The following SEZ6 variants were observed in gnomAD, a reference collection of about 807,000 sequenced individuals.
SEZ6 encodes seizure related 6 homolog, also known as seizure protein 6 homolog.
In SEZ6, 53 loss-of-function variants were observed where a neutral mutation model predicts 101.0. The observed-to-expected ratio is 0.52, with a 90% confidence interval of 0.42 to 0.66. The LOEUF (loss-of-function observed/expected upper bound fraction) is 0.66. Among genes scored for constraint, SEZ6 ranks in the 30% least tolerant of loss-of-function variants. SEZ6 has a pLI of 0.00. For missense variants in SEZ6, 1,102 were observed against 1,289.4 expected, an observed-to-expected ratio of 0.85 and a Z score of 2.23; for synonymous variants, 488 against 512.2, an observed-to-expected ratio of 0.95 and a Z score of 0.64.
intron 5 of SEZ6, among the ~76,000 whole-genome samples, chr17:28,962,780 CAAA>C (rs141990354): frequency 1.1e-4 from 5 of 47,306 alleles, no homozygotes; most frequent in Admixed American, 2.3e-4. Context: ...GACTCCATCT[CAAA>C]AAAAAAAAAA....
chr17:28,981,479 T>C lies in SEZ6; in HGVS notation c.616A>G (p.Ile206Val), dbSNP rs1480760776. The C allele has an allele frequency of 6.3e-7, 1 of 1,588,250 alleles. No individual in the cohort carries two copies. The highest frequency in any genetic ancestry group is 2.3e-5 in the East Asian group (1 of 43,522). The change falls in exon 2 of 17, where the codon ATC becomes GTC. Residue 206 changes from isoleucine (I) to valine (V), a missense_variant. Around this residue, in one of 3 missense-constraint regions of SEZ6, gnomAD observed 406 missense variants for 418.6 expected, o/e 0.97. Coordinates refer to ENST00000317338, the MANE Select transcript of SEZ6 (RefSeq NM_178860.5). ...VAEVVSQGAG[I>V]GIQGTITSST... ...GAGGTGATGGTCCCCTGGATCCCGATCCCTGCGCCCTGGGACACAACCTCT... is the reference window on the plus strand; with the variant it reads ...GAGGTGATGGTCCCCTGGATCCCGACCCCTGCGCCCTGGGACACAACCTCT...
rs2041025847 is a variant in SEZ6, at chr17:28,964,057, T to A, written c.1145A>T (p.His382Leu). The A allele has an allele frequency of 6.2e-7, 1 of 1,610,340 alleles. No homozygotes were observed. The highest frequency in any genetic ancestry group is 8.5e-7 in the Non-Finnish European group (1 of 1,178,288). ...CTTCAGCTGGTAGCCAGTGGCACAA[T>A]GGAAGCGGGCACTACCCCCTGGGTG... ...SLHPGGSARF[H>L]CATGYQLKGA... is the part of the protein sequence containing the mutation. The change falls in exon 5 of 17, where the codon CAT (histidine) becomes CTT (leucine). Residue 382 changes from histidine (H) to leucine (L), a missense_variant. His to Leu is a moderately conservative substitution (Grantham distance 99). Around this residue, in one of 3 missense-constraint regions of SEZ6, gnomAD observed 556 missense variants for 735.1 expected, o/e 0.76. Transcript: ENST00000317338.
rs191540011 is a variant in SEZ6, at chr17:28,968,707, C to A, written c.1054+1050G>T. ...CTCCTTAGGTGGGGTTCCAAGCAGCCCCATCTCCAGAGTGCTGGCTCTTCT... is the reference window on the plus strand; with the variant it reads ...CTCCTTAGGTGGGGTTCCAAGCAGCACCATCTCCAGAGTGCTGGCTCTTCT... On this transcript the variant is annotated intron_variant, in intron 4 of 16. Coordinates refer to ENST00000317338, the MANE Select transcript of SEZ6 (RefSeq NM_178860.5). Among the ~76,000 whole-genome samples the A allele has an allele frequency of 2.1e-3, 325 of 152,276 alleles. 2 individuals carry two copies. Among genetic ancestry groups the A allele is most frequent in the Admixed American group, 0.019 (290 of 15,292 alleles).
chr17:29,003,127 T>G (rs2041637133), intron 1 of SEZ6, among the ~76,000 whole-genome samples: 1 of 152,218 alleles, frequency 6.6e-6, no homozygotes, highest in Non-Finnish European at 1.5e-5. Context: ...TTAATTAACT[T>G]TATTGATATT....
At position 28,957,548 on chromosome 17, in the gene SEZ6, AG is replaced by A. The variant is rs67322066; in HGVS notation, c.2303-10del. On this transcript the variant is annotated splice_polypyrimidine_tract_variant and intron_variant, in intron 11 of 16. Transcript: ENST00000317338. Reference sequence around the variant, plus strand: ...ATCGTGGCAGGAAGTCACTATGGGTAGGGGGTGATGGGGAGAAGTAGCCCAA... The same window carrying A: ...ATCGTGGCAGGAAGTCACTATGGGTAGGGGTGATGGGGAGAAGTAGCCCAA... 219,217 of 1,609,682 alleles carry A rather than the reference AG, an allele frequency of 0.14. 16,126 individuals carry two copies. Among genetic ancestry groups the A allele is most frequent in the South Asian group, 0.25 (23,071 of 90,746 alleles).
At chr17:28,995,588 C>T (rs1055050068) in intron 1 of SEZ6, among the ~76,000 whole-genome samples, 3 of 152,176 alleles carry the variant, frequency 2.0e-5, no homozygotes, top group African/African-American at 7.2e-5. Context: ...CATCCTTGTC[C>T]TGCTGAGCTC....
Position 29,005,883 on chromosome 17 carries a change from G to A in SEZ6, c.-14C>T. 1.4e-6 allele frequency: 2 copies of A among 1,449,828 alleles called. No individual in the cohort carries two copies. Among genetic ancestry groups the A allele is most frequent in the South Asian group, 1.3e-5 (1 of 77,634 alleles). The allele number at this position is 1,449,828 out of a possible 1,614,324, so 89.8% of individuals were successfully genotyped here. A position where few individuals can be genotyped will look rare whatever the true frequency, so the allele number is the denominator to read the frequency against. On this transcript the variant is annotated 5_prime_UTR_variant, in exon 1 of 17. Transcript: ENST00000317338. The surrounding 1 kb of genome is among the most constrained non-coding windows in gnomAD (Gnocchi z 4.8). Reference sequence around the variant, plus strand: ...TACCGGGCGCATGGTGCTGGTTGCGGCCGCGCCCTGGGCTGGGACCGCGGC... The same window carrying A: ...TACCGGGCGCATGGTGCTGGTTGCGACCGCGCCCTGGGCTGGGACCGCGGC...
At chr17:29,006,107 C>G (rs2041688534), upstream of SEZ6, 1 of 307,826 alleles carries the variant, frequency 3.2e-6, no homozygotes, top group Non-Finnish European at 5.9e-6. Context: ...AGCGGCTTAC[C>G]GTAAAGTCTC....
In SEZ6 at chr17:28,960,933, G is replaced by A. The variant is rs2040968012; in HGVS notation, c.1281C>T (p.Arg427=). Residue 427 remains arginine (R), a synonymous_variant, in exon 6 of 17, where the codon CGC becomes CGT. Coordinates refer to ENST00000317338, the MANE Select transcript of SEZ6 (RefSeq NM_178860.5). ...TGCCCGGGAAGCCTGGAGAGACGAT[G>A]CGGCCGGTGGTGGCATTGCGGATCA... ...GGVIRNATTG[R]IVSPGFPGNY... is the part of the protein sequence containing the mutation. 6.2e-7 allele frequency: 1 copy of A among 1,613,904 alleles called. No individual in the cohort carries two copies. Among genetic ancestry groups the A allele is most frequent in the Non-Finnish European group, 8.5e-7 (1 of 1,179,864 alleles).
chr17:28,995,438 C>A (rs2041523775), intron 1 of SEZ6, among the ~76,000 whole-genome samples: 1 of 151,982 alleles, frequency 6.6e-6, no homozygotes, highest in Non-Finnish European at 1.5e-5. Flanking sequence ...TGGGCAGCTG[C>A]TGTGTGCTAG....
chr17:28,992,963 C>T (rs2041486268), intron 1 of SEZ6, among the ~76,000 whole-genome samples: 1 of 152,120 alleles, frequency 6.6e-6, no homozygotes, highest in Non-Finnish European at 1.5e-5. Context: ...GCCCTGGGGA[C>T]CCCAGCCCTG....
At position 28,955,530 on chromosome 17, in the gene SEZ6, A is replaced by C; in HGVS notation, c.*432T>G. ...TTTGGCCATTGGTGATGGCGCTGTG[A>C]GGAGTACCCTGGTGCAGTTCCCACC... On this transcript the variant is annotated 3_prime_UTR_variant, in exon 17 of 17. Transcript: ENST00000317338. The C allele has an allele frequency of 2.3e-6, 1 of 425,532 alleles. No individual in the cohort carries two copies. Among genetic ancestry groups the C allele is most frequent in the Non-Finnish European group, 4.8e-6 (1 of 210,406 alleles). The allele number at this position is 425,532 out of a possible 1,614,324, so 26.4% of individuals were successfully genotyped here.
chr17:28,972,028 C>T (rs1233518762), intron 3 of SEZ6, among the ~76,000 whole-genome samples: 1 of 152,250 alleles, frequency 6.6e-6, no homozygotes, highest in Non-Finnish European at 1.5e-5. Context: ...GCACTGCAGC[C>T]GCAGACCACC....
Position 28,959,674 on chromosome 17 carries a change from G to A in SEZ6, c.1771+24C>T. Reference sequence around the variant, plus strand: ...TATGACCCTGCCTTTTGCCCGGTAGGCCCATCCACTGGTGTCTACTGACCT... The same window carrying A: ...TATGACCCTGCCTTTTGCCCGGTAGACCCATCCACTGGTGTCTACTGACCT... On this transcript the variant is annotated intron_variant, in intron 8 of 16. Transcript: ENST00000317338. The surrounding 1 kb of genome is among the most constrained non-coding windows in gnomAD (Gnocchi z 4.4). 1 of 1,561,522 alleles carries A rather than the reference G, an allele frequency of 6.4e-7. No individual in the cohort carries two copies. Among genetic ancestry groups the A allele is most frequent in the Non-Finnish European group, 8.7e-7 (1 of 1,152,968 alleles).
In SEZ6 at chr17:28,959,749, A is replaced by G. The variant is rs2040946453; in HGVS notation, c.1720T>C (p.Cys574Arg). 6.2e-7 allele frequency: 1 copy of G among 1,611,600 alleles called. No homozygotes were observed. Among genetic ancestry groups the G allele is most frequent in the South Asian group, 1.1e-5 (1 of 90,856 alleles). The part of the protein sequence containing the change: ...TLEQGSIIIE[C>R]VDPHDPQWNE... ...CACTGGGGGTCGTGGGGGTCAACACACTCGATGATGATGGAGCCCTGCTCC... is the reference window on the plus strand; with the variant it reads ...CACTGGGGGTCGTGGGGGTCAACACGCTCGATGATGATGGAGCCCTGCTCC... The change falls in exon 8 of 17, where the codon TGT becomes CGT. Residue 574 changes from cysteine to arginine, a missense_variant. By Grantham distance (180) the Cys-to-Arg change is radical. Around this residue, in one of 3 missense-constraint regions of SEZ6, gnomAD observed 556 missense variants for 735.1 expected, o/e 0.76. Transcript: ENST00000317338. The surrounding 1 kb of genome is among the most constrained non-coding windows in gnomAD (Gnocchi z 4.4).
intron 3 of SEZ6, among the ~76,000 whole-genome samples, chr17:28,972,840 C>T (rs1414071142): frequency 6.6e-6 from 1 of 152,178 alleles, no homozygotes; most frequent in African/African-American, 2.4e-5. Context: ...GGCTCAGAGG[C>T]TCAGGGAAAG....
chr17:28,987,107 C>T (rs2040275973), intron 1 of SEZ6, among the ~76,000 whole-genome samples: 4 of 152,230 alleles, frequency 2.6e-5, no homozygotes, highest in Non-Finnish European at 5.9e-5. Context: ...AGGGGGCCCA[C>T]TCCTCTGGGT....
chr17:28,958,259 G>A (rs1269663580), intron 10 of SEZ6, 118 bp from the exon 11 acceptor site: 20 of 1,212,152 alleles, frequency 1.6e-5, no homozygotes, highest in African/African-American at 3.0e-5. Flanking sequence ...TGTCCTGGGC[G>A]GGCTCAGGGA....
At chr17:28,987,035 A>C (rs1598205216) in intron 1 of SEZ6, among the ~76,000 whole-genome samples, 2 of 152,258 alleles carry the variant, frequency 1.3e-5, no homozygotes, top group Admixed American at 1.3e-4. Context: ...ACCAACTGTC[A>C]GCTTCGGGGG....
Sources: gnomAD v4.1 joint callset for allele counts (sites outside exome capture counted in the v4.1 genomes callset) on GRCh38, gnomAD v4.1.1 for gene constraint, gnomAD v4.1.1 regional missense constraint, Gnocchi (gnomAD v3.1) non-coding constraint, MANE v1.5 for transcripts, NCBI Gene and HGNC (gene_info 2026-07-23, HGNC 2026-07-21) for gene names.